Variants in SENP7 observed in about 807,000 individuals in gnomAD.
The protein encoded by SENP7 is sentrin-specific protease 7.
In SENP7, 64 loss-of-function variants were observed where a neutral mutation model predicts 141.2. The ratio of observed to expected loss-of-function variants is 0.45; its 90% CI spans 0.37 to 0.56. The LOEUF is 0.56. SENP7 is among the 20% of genes least tolerant of loss of function. The pLI, the probability that SENP7 is intolerant of heterozygous loss-of-function variation, is 0.00. For synonymous variants in SENP7, 382 were observed against 426.4 expected, an observed-to-expected ratio of 0.90 and a Z score of 1.28; for missense variants, 1,025 against 1,212.2, an observed-to-expected ratio of 0.85 and a Z score of 2.29.
At chr3:101,513,045 C>G (rs768015693) in intron 1 of SENP7, 46 bp downstream of exon 1, 1 of 1,605,096 alleles carries the variant, frequency 6.2e-7, no homozygotes, top group South Asian at 1.1e-5. Flanking sequence ...CCCGTTTCCC[C>G]CGGGTAGGAG....
chr3:101,427,051 A>C (rs1029807460), intron 4 of SENP7, among the ~76,000 whole-genome samples: 1 of 152,238 alleles, frequency 6.6e-6, no homozygotes, highest in Non-Finnish European at 1.5e-5. Flanking sequence ...GAAAAATTTA[A>C]GGCCAATATC....
At chr3:101,395,932 G>A (rs1349294166) in intron 6 of SENP7, among the ~76,000 whole-genome samples, 1 of 152,160 alleles carries the variant, frequency 6.6e-6, no homozygotes, top group Non-Finnish European at 1.5e-5. Flanking sequence ...TAACTTCCTG[G>A]CATTATACTT....
intron 4 of SENP7, 94 bp downstream of exon 4, chr3:101,458,861 T>C: frequency 1.5e-6 from 1 of 656,046 alleles, no homozygotes. Context: ...TTTAAACATG[T>C]GGTCATAATT....
chr3:101,360,237 A>T (rs1279718740), intron 11 of SENP7, among the ~76,000 whole-genome samples: 1 of 152,136 alleles, frequency 6.6e-6, no homozygotes, highest in African/African-American at 2.4e-5. Context: ...TGTATCACAA[A>T]CTACTATTAT....
intron 3 of SENP7, among the ~76,000 whole-genome samples, chr3:101,463,412 T>TACAC: frequency 7.6e-6 from 1 of 132,444 alleles, no homozygotes; most frequent in East Asian, 2.2e-4. Context: ...TATATATATA[T>TACAC]ATATACACAC....
intron 4 of SENP7, among the ~76,000 whole-genome samples, chr3:101,422,661 TACTC>T (rs1559801625): frequency 6.6e-6 from 1 of 152,188 alleles, no homozygotes; most frequent in Non-Finnish European, 1.5e-5. Flanking sequence ...ATTATACTAA[TACTC>T]ACTTAATTTT....
intron 11 of SENP7, chr3:101,357,595 C>A: frequency 1.8e-6 from 2 of 1,135,038 alleles, no homozygotes; most frequent in Non-Finnish European, 2.6e-6. Context: ...TTAAAAAAAG[C>A]TGTAAAAGTG....
intron 4 of SENP7, among the ~76,000 whole-genome samples, chr3:101,450,109 CAAAG>C (rs1433679826): frequency 2.6e-5 from 4 of 152,098 alleles, no homozygotes; most frequent in African/African-American, 9.7e-5. Flanking sequence ...TCAAAAGAGA[CAAAG>C]AAGGCCATTG....
chr3:101,506,997 G>A (rs1313878239), intron 1 of SENP7, among the ~76,000 whole-genome samples: 1 of 151,406 alleles, frequency 6.6e-6, no homozygotes, highest in Non-Finnish European at 1.5e-5. Context: ...GGAGTTCAAG[G>A]CTGCATTGAG....
At chr3:101,477,016 T>G (rs1037454343) in intron 3 of SENP7, among the ~76,000 whole-genome samples, 5 of 152,228 alleles carry the variant, frequency 3.3e-5, no homozygotes, top group Non-Finnish European at 7.3e-5. Flanking sequence ...GTCAGATGGA[T>G]AGATTGCATA....
chr3:101,332,869 G>T lies in SENP7; in HGVS notation c.2481-7C>A. On this transcript the variant is annotated splice_region_variant and splice_polypyrimidine_tract_variant and intron_variant, in intron 17 of 23. Coordinates refer to ENST00000394095, the MANE Select transcript of SENP7 (RefSeq NM_020654.5). ...ATGTCTTCTCTGTGCCATTCTGAGAGTATGAAAGACAGATTTGATATATAA... is the reference window on the plus strand; with the variant it reads ...ATGTCTTCTCTGTGCCATTCTGAGATTATGAAAGACAGATTTGATATATAA... 6.4e-7 allele frequency: 1 copy of T among 1,573,072 alleles called. No homozygotes were observed. The highest frequency in any genetic ancestry group is 1.2e-5 in the South Asian group (1 of 81,106).
At chr3:101,505,796 A>T (rs998456504) in intron 1 of SENP7, among the ~76,000 whole-genome samples, 6 of 152,210 alleles carry the variant, frequency 3.9e-5, no homozygotes, top group African/African-American at 1.2e-4. Flanking sequence ...TTCAGATTAA[A>T]GCATGATAGT....
At chr3:101,431,180 T>C (rs1314591210) in intron 4 of SENP7, among the ~76,000 whole-genome samples, 2 of 152,354 alleles carry the variant, frequency 1.3e-5, no homozygotes, top group East Asian at 3.9e-4. Context: ...AAGAGTTCTT[T>C]AGATGTCTAT....
chr3:101,461,864 T>A (rs151127314), intron 3 of SENP7, among the ~76,000 whole-genome samples: 1 of 152,332 alleles, frequency 6.6e-6, no homozygotes, highest in Non-Finnish European at 1.5e-5. Flanking sequence ...ATAACATGGA[T>A]GAACTTTGAA....
intron 19 of SENP7, 76 bp from the exon 20 acceptor site, chr3:101,330,462 T>G: frequency 4.3e-6 from 4 of 932,558 alleles, no homozygotes; most frequent in Admixed American, 2.3e-5. Context: ...AGCTTAAAAT[T>G]ATAATTTTTA....
At chr3:101,397,599 T>C (rs2061006983) in intron 6 of SENP7, among the ~76,000 whole-genome samples, 1 of 152,208 alleles carries the variant, frequency 6.6e-6, no homozygotes, top group Non-Finnish European at 1.5e-5. Flanking sequence ...AAGTAGAACC[T>C]AGGTGAAAAT....
chr3:101,428,506 G>C (rs1287836610), intron 4 of SENP7, among the ~76,000 whole-genome samples: 1 of 152,202 alleles, frequency 6.6e-6, no homozygotes, highest in Non-Finnish European at 1.5e-5. Context: ...CTTTTGAGAA[G>C]TGTCTGTTCA....
At chr3:101,337,450 G>A in intron 17 of SENP7, 59 bp downstream of exon 17, 1 of 1,235,066 alleles carries the variant, frequency 8.1e-7, no homozygotes, top group East Asian at 2.5e-5. Context: ...ACTTTACTAG[G>A]AGCATCAAAA....
intron 11 of SENP7, chr3:101,357,521 A>G: frequency 2.1e-6 from 3 of 1,421,986 alleles, no homozygotes; most frequent in Non-Finnish European, 2.8e-6. Flanking sequence ...GCAGAGCATA[A>G]AAGATTCTTT....
Sources: allele counts gnomAD v4.1 joint callset (sites outside exome capture counted in the v4.1 genomes callset), GRCh38; gene constraint gnomAD v4.1.1; transcripts MANE v1.5; gene names NCBI Gene and HGNC (gene_info 2026-07-23, HGNC 2026-07-21).